The following VCAN variants were observed in gnomAD, a reference collection of about 807,000 sequenced individuals.
VCAN encodes the protein versican.
VCAN carries 44 observed loss-of-function variants against 245.5 expected under a neutral mutation model. The ratio of observed to expected loss-of-function variants is 0.18; its 90% CI spans 0.14 to 0.23. VCAN has a LOEUF of 0.23. Among genes scored for constraint, VCAN ranks in the 10% least tolerant of loss-of-function variants. VCAN has a pLI of 1.00. For synonymous variants in VCAN, 1,413 were observed against 1,437.0 expected, an observed-to-expected ratio of 0.98 and a Z score of 0.38; for missense variants, 3,793 against 4,057.9, an observed-to-expected ratio of 0.93 and a Z score of 1.77.
Position 83,555,035 on chromosome 5 carries a change from A to T in VCAN, c.9732A>T (p.Thr3244=). The T allele has an allele frequency of 6.2e-7, 1 of 1,613,560 alleles. No homozygotes were observed. Among genetic ancestry groups the T allele is most frequent in the Non-Finnish European group, 8.5e-7 (1 of 1,179,572 alleles). The change falls in exon 12 of 15, where the codon ACA becomes ACT. Residue 3244 remains threonine (T), a synonymous_variant. Transcript: ENST00000265077. ...EHDFRWTDGS[T]LQYENWRPNQ... is the part of the protein sequence containing the mutation. The stretch of plus-strand genomic sequence containing the variant: ...ACTTCCGTTGGACTGATGGCAGCAC[A>T]CTGGTAAGATGCCCTTGAAAATGAT...
Position 83,552,214 on chromosome 5 carries a change from A to G in VCAN, c.9494-1150A>G, listed in dbSNP as rs1382508060. On this transcript the variant is annotated intron_variant, in intron 10 of 14. Transcript: ENST00000265077. ...TAACAGGAATAAGAGTCAAGAGACA[A>G]TCTGAGTTTCAATTTGGCCACCAAA... Among the ~76,000 whole-genome samples, 3 of 152,332 alleles carry G rather than the reference A, an allele frequency of 2.0e-5. No homozygotes were observed. In the East Asian group the frequency reaches 5.8e-4, roughly 29 times the overall value.
At chr5:83,499,184 C>T (rs182556750) in intron 5 of VCAN, among the ~76,000 whole-genome samples, 8 of 152,142 alleles carry the variant, frequency 5.3e-5, no homozygotes, top group Middle Eastern at 3.4e-3. Flanking sequence ...TTTCTTGACT[C>T]TGAACTTCTA....
At chr5:83,497,591 TAG>T (rs1745199317) in intron 5 of VCAN, among the ~76,000 whole-genome samples, 1 of 152,204 alleles carries the variant, frequency 6.6e-6, no homozygotes, top group Non-Finnish European at 1.5e-5. Context: ...CAATCAGTAA[TAG>T]AATGCTATTA....
intron 12 of VCAN, among the ~76,000 whole-genome samples, chr5:83,564,863 GT>G (rs1468959322): frequency 3.3e-5 from 5 of 152,020 alleles, no homozygotes; most frequent in Non-Finnish European, 7.4e-5. Flanking sequence ...GTCAAGAATG[GT>G]TTTTCTCAAA....
Position 83,580,886 on chromosome 5 carries a change from G to A in VCAN, c.*452G>A, listed in dbSNP as rs190561752. On this transcript the variant is annotated 3_prime_UTR_variant, in exon 15 of 15. Coordinates refer to ENST00000265077, the MANE Select transcript of VCAN (RefSeq NM_004385.5). The stretch of plus-strand genomic sequence containing the variant: ...CTTAGAGGTCTTTAATCATTGGTTC[G>A]GCTGCTTTTATGTAGTTTAGGCTGG... 4.6e-4 allele frequency: 99 copies of A among 214,842 alleles called. No homozygotes were observed. The highest frequency in any genetic ancestry group is 2.2e-3 in the African/African-American group (94 of 42,720). 13.3% of individuals were successfully genotyped at this position (214,842 alleles called of 1,614,324 possible). A position where few individuals can be genotyped will look rare whatever the true frequency, so the allele number is the denominator to read the frequency against.
chr5:83,580,499 C>G lies in VCAN; in HGVS notation c.*65C>G. On this transcript the variant is annotated 3_prime_UTR_variant, in exon 15 of 15. Transcript: ENST00000265077. ...AAAGTCCTAACTTCCTGTGCCTTTC[C>G]TATCACCTCGAGAAGTAATTATCAG... 1 of 1,603,074 alleles carries G rather than the reference C, an allele frequency of 6.2e-7. No homozygotes were observed. The highest frequency in any genetic ancestry group is 2.3e-5 in the East Asian group (1 of 44,418).
intron 10 of VCAN, among the ~76,000 whole-genome samples, chr5:83,549,049 A>G (rs191483264): frequency 3.2e-4 from 49 of 152,288 alleles, no homozygotes; most frequent in African/African-American, 1.1e-3. Context: ...TAGATTTTGA[A>G]TATAAAGATA....
chr5:83,506,747 C>T lies in VCAN; in HGVS notation c.749-5356C>T, dbSNP rs115711330. Among the ~76,000 whole-genome samples the T allele has an allele frequency of 3.7e-3, 558 of 152,246 alleles. 2 individuals carry two copies. The highest frequency in any genetic ancestry group is 0.013 in the African/African-American group (535 of 41,534). Reference sequence around the variant, plus strand: ...TTTTCACACTGCTGATAAAGGCATACCCGAGACTGAGAAGAAAAAGAGGTT... The same window carrying T: ...TTTTCACACTGCTGATAAAGGCATATCCGAGACTGAGAAGAAAAAGAGGTT... On this transcript the variant is annotated intron_variant, in intron 5 of 14. Transcript: ENST00000265077.
At chr5:83,499,768 G>C (rs1016759122) in intron 5 of VCAN, among the ~76,000 whole-genome samples, 1 of 152,032 alleles carries the variant, frequency 6.6e-6, no homozygotes, top group South Asian at 2.1e-4. Flanking sequence ...TCAATTATAG[G>C]TTATTATTTT....
rs79396658 is a variant in VCAN, at chr5:83,505,941, C to T, written c.749-6162C>T. 0.011 allele frequency among the ~76,000 whole-genome samples: 1,652 copies of T among 152,340 alleles called. 63 individuals are homozygous for T. The East Asian group carries it at 0.13, about 12-fold the overall frequency. ...GGTTTGGGGCTTCCACCCTCTGAAG[C>T]CACAGCCCAAGCTGTACACTGGCCC... On this transcript the variant is annotated intron_variant, in intron 5 of 14. Coordinates refer to ENST00000265077, the MANE Select transcript of VCAN (RefSeq NM_004385.5).
At chr5:83,523,571 G>A (rs1455373028) in intron 7 of VCAN, among the ~76,000 whole-genome samples, 1 of 152,082 alleles carries the variant, frequency 6.6e-6, no homozygotes, top group African/African-American at 2.4e-5. Context: ...ATGTAGTGCT[G>A]TTGGTGGACA....
intron 1 of VCAN, among the ~76,000 whole-genome samples, chr5:83,474,530 C>A (rs1297498122): frequency 6.6e-6 from 1 of 152,246 alleles, no homozygotes; most frequent in Admixed American, 6.5e-5. Context: ...TCGCTCACCT[C>A]GCGCCAAGGG....
At chr5:83,500,546 C>G (rs1745301228) in intron 5 of VCAN, among the ~76,000 whole-genome samples, 1 of 152,182 alleles carries the variant, frequency 6.6e-6, no homozygotes, top group Non-Finnish European at 1.5e-5. Flanking sequence ...TATTATTTAA[C>G]TTAAATCTTA....
chr5:83,546,990 A>G (rs925962475), intron 9 of VCAN, among the ~76,000 whole-genome samples: 2 of 152,208 alleles, frequency 1.3e-5, no homozygotes, highest in Admixed American at 1.3e-4. Flanking sequence ...TATTTGACAT[A>G]GATTTTAAAG....
chr5:83,490,624 G>C, intron 3 of VCAN, 152 bp downstream of exon 3: 1 of 1,209,272 alleles, frequency 8.3e-7, no homozygotes, highest in Non-Finnish European at 1.1e-6. Context: ...CACCAAAAAT[G>C]AACTGGTACT....
intron 12 of VCAN, among the ~76,000 whole-genome samples, chr5:83,561,167 C>G (rs958912689): frequency 1.1e-4 from 16 of 152,034 alleles, no homozygotes; most frequent in Admixed American, 7.9e-4. Context: ...TGCTGGCTTC[C>G]CTGCTTCCTG....
intron 6 of VCAN, among the ~76,000 whole-genome samples, chr5:83,514,970 T>C (rs1745796773): frequency 6.6e-6 from 1 of 152,194 alleles, no homozygotes; most frequent in Non-Finnish European, 1.5e-5. Context: ...TCTTGTTTGC[T>C]TCTACCAAAC....
chr5:83,522,422 AGT>A, intron 7 of VCAN, 113 bp downstream of exon 7: 1 of 1,123,642 alleles, frequency 8.9e-7, no homozygotes, highest in Non-Finnish European at 1.3e-6. Context: ...AGATAACTGG[AGT>A]GTGAAAAATA....
At chr5:83,567,076 A>G (rs139482789) in intron 12 of VCAN, among the ~76,000 whole-genome samples, 1 of 152,280 alleles carries the variant, frequency 6.6e-6, no homozygotes, top group African/African-American at 2.4e-5. Flanking sequence ...CAATAACTGA[A>G]AAGTGACTGA....
Sources: gnomAD v4.1 joint callset for allele counts (sites outside exome capture counted in the v4.1 genomes callset) on GRCh38, gnomAD v4.1.1 for gene constraint, MANE v1.5 for transcripts, NCBI Gene and HGNC (gene_info 2026-07-23, HGNC 2026-07-21) for gene names.